Variants in USH2A observed in about 807,000 individuals in gnomAD.
USH2A encodes usherin.
A neutral mutation model predicts 538.9 loss-of-function variants in USH2A; 443 were observed. That is an observed-to-expected ratio of 0.82 (90% CI 0.76 to 0.89). The LOEUF (loss-of-function observed/expected upper bound fraction) is 0.89, where lower values mean the gene tolerates loss of function less well. Ranked by LOEUF, USH2A falls within the 40% of genes least tolerant of loss-of-function variation. The pLI is 0.00. For missense variants in USH2A, 6,633 were observed against 6,324.8 expected, an observed-to-expected ratio of 1.05 and a Z score of -1.65; for synonymous variants, 2,413 against 2,273.5, an observed-to-expected ratio of 1.06 and a Z score of -1.75.
At chr1:216,290,899 G>C (rs1403531089) in intron 10 of USH2A, among the ~76,000 whole-genome samples, 2 of 151,974 alleles carry the variant, frequency 1.3e-5, no homozygotes, top group Admixed American at 1.3e-4. Flanking sequence ...CCTACACTCT[G>C]CTCACAAAAC....
At chr1:215,967,578 G>A (rs912544115) in intron 36 of USH2A, among the ~76,000 whole-genome samples, 1 of 152,078 alleles carries the variant, frequency 6.6e-6, no homozygotes, top group Non-Finnish European at 1.5e-5. Context: ...CTTTGTAATA[G>A]TTGAGAAATC....
chr1:215,691,275 C>A (rs1658598049), intron 61 of USH2A, among the ~76,000 whole-genome samples: 1 of 152,154 alleles, frequency 6.6e-6, no homozygotes, highest in South Asian at 2.1e-4. Context: ...CTGCTCAAAA[C>A]CCTGTTCTAG....
At chr1:216,352,978 T>C (rs976947360) in intron 4 of USH2A, among the ~76,000 whole-genome samples, 17 of 152,042 alleles carry the variant, frequency 1.1e-4, no homozygotes, top group African/African-American at 3.6e-4. Context: ...TCAGGAAACA[T>C]AGGAAGTTCA....
At chr1:216,107,508 T>C (rs2032762201) in intron 21 of USH2A, among the ~76,000 whole-genome samples, 1 of 151,062 alleles carries the variant, frequency 6.6e-6, no homozygotes, top group African/African-American at 2.4e-5. Flanking sequence ...TATGTTTTTA[T>C]ACTTGAAGTG....
intron 21 of USH2A, among the ~76,000 whole-genome samples, chr1:216,159,313 C>G (rs1314285309): frequency 6.6e-6 from 1 of 151,984 alleles, no homozygotes; most frequent in African/African-American, 2.4e-5. Flanking sequence ...TATTAGAGGT[C>G]TTTTACAAAA....
At chr1:215,994,723 T>A (rs187399951) in intron 34 of USH2A, among the ~76,000 whole-genome samples, 2 of 152,242 alleles carry the variant, frequency 1.3e-5, no homozygotes, top group African/African-American at 4.8e-5. Flanking sequence ...GAATGGAATC[T>A]TTGCAAATGT....
At chr1:216,158,247 T>A (rs2033988494) in intron 21 of USH2A, among the ~76,000 whole-genome samples, 1 of 152,148 alleles carries the variant, frequency 6.6e-6, no homozygotes, top group African/African-American at 2.4e-5. Flanking sequence ...ATTATTATTA[T>A]TTTTTAGAGA....
intron 59 of USH2A, 77 bp from the exon 60 acceptor site, chr1:215,741,614 T>C: frequency 3.3e-6 from 5 of 1,509,082 alleles, no homozygotes; most frequent in Non-Finnish European, 3.6e-6. Flanking sequence ...AGAAGGGTAA[T>C]GATATCATGA....
At chr1:216,240,013 C>CAAAAAAAAAAAAAAAAAAAA (rs55691066) in intron 13 of USH2A, among the ~76,000 whole-genome samples, 4 of 112,280 alleles carry the variant, frequency 3.6e-5, no homozygotes, top group African/African-American at 6.6e-5. Context: ...ATGAAATAAA[C>CAAAAAAAAAAAAAAAAAAAA]AAAAAAAAAA....
chr1:216,093,463 C>G (rs1313116943), intron 22 of USH2A, among the ~76,000 whole-genome samples: 1 of 152,104 alleles, frequency 6.6e-6, no homozygotes, highest in East Asian at 1.9e-4. Context: ...AATTCTGTTA[C>G]CACGCTTTGC....
intron 30 of USH2A, among the ~76,000 whole-genome samples, chr1:216,067,793 G>T (rs74143931): frequency 1.5e-3 from 235 of 152,180 alleles, no homozygotes; most frequent in African/African-American, 5.4e-3. Flanking sequence ...AAATGTCATT[G>T]TGTCCAAACG....
intron 48 of USH2A, among the ~76,000 whole-genome samples, chr1:215,815,557 T>G (rs1662834523): frequency 6.6e-6 from 1 of 152,004 alleles, no homozygotes; most frequent in Admixed American, 6.6e-5. Flanking sequence ...TTTTAAAAGT[T>G]ACAAAAAGCG....
In USH2A at chr1:216,199,689, T is replaced by G. The variant is rs1385650083; in HGVS notation, c.3749A>C (p.Lys1250Thr). 6.2e-7 allele frequency: 1 copy of G among 1,614,092 alleles called. No individual in the cohort carries two copies. Among genetic ancestry groups the G allele is most frequent in the Non-Finnish European group, 8.5e-7 (1 of 1,179,996 alleles). Residue 1250 changes from lysine (K) to threonine (T), a missense_variant, in exon 17 of 72, where the codon AAG (lysine) becomes ACG (threonine). Coordinates refer to ENST00000307340, the MANE Select transcript of USH2A (RefSeq NM_206933.4). The stretch of plus-strand genomic sequence containing the variant: ...TTCTGTAGAACTGATTTTCTGCATC[T>G]TAGGTGGACTTAGTCTTTGGGGAGG... ...QAPPQRLSPP[K>T]MQKISSTELH...
intron 3 of USH2A, among the ~76,000 whole-genome samples, chr1:216,376,397 TG>T (rs2102725712): frequency 6.6e-6 from 1 of 152,138 alleles, no homozygotes; most frequent in African/African-American, 2.4e-5. Context: ...GTGAATAAGT[TG>T]TGGGAAAACA....
At chr1:216,174,372 A>G (rs1404806508) in intron 21 of USH2A, 1 of 984,490 alleles carries the variant, frequency 1.0e-6, no homozygotes, top group Non-Finnish European at 1.2e-6. Flanking sequence ...GTTTTTTTAC[A>G]GCTATATTGA....
chr1:215,775,018 T>C (rs891526851), intron 55 of USH2A, among the ~76,000 whole-genome samples: 1 of 151,774 alleles, frequency 6.6e-6, no homozygotes, highest in Non-Finnish European at 1.5e-5. Context: ...CAGTGCTTGG[T>C]GGTCAGTAAT....
At chr1:215,916,170 T>C (rs937765360) in intron 38 of USH2A, among the ~76,000 whole-genome samples, 12 of 151,764 alleles carry the variant, frequency 7.9e-5, no homozygotes, top group African/African-American at 1.2e-4. Context: ...ACATGTACCC[T>C]GAAACTTAAA....
chr1:216,085,232 T>C (rs2032091577), intron 24 of USH2A: 1 of 270,400 alleles, frequency 3.7e-6, no homozygotes, highest in Non-Finnish European at 7.2e-6. Context: ...AGGGAGTGTT[T>C]CTATTTAATA....
rs886044126 is a variant in USH2A, at chr1:215,741,501, G to A, written c.11585C>T (p.Thr3862Ile). 1 of 1,612,772 alleles carries A rather than the reference G, an allele frequency of 6.2e-7. No individual in the cohort carries two copies. Among genetic ancestry groups the A allele is most frequent in the Non-Finnish European group, 8.5e-7 (1 of 1,179,692 alleles). Residue 3862 changes from threonine to isoleucine, a missense_variant, in exon 60 of 72, where the codon ACA (threonine) becomes ATA (isoleucine). Thr to Ile is a moderately conservative substitution (Grantham distance 89). Transcript: ENST00000307340. ...AAGATCCATTGGGGCTGCTTCAGGTGTTTTGACAAACATCCTACTGCTAAC... is the reference window on the plus strand; with the variant it reads ...AAGATCCATTGGGGCTGCTTCAGGTATTTTGACAAACATCCTACTGCTAAC... ...CGVSSRMFVK[T>I]PEAAPMDLNS...
Sources: gnomAD v4.1 joint callset for allele counts (sites outside exome capture counted in the v4.1 genomes callset) on GRCh38, gnomAD v4.1.1 for gene constraint, MANE v1.5 for transcripts, NCBI Gene and HGNC (gene_info 2026-07-23, HGNC 2026-07-21) for gene names.